The following MGMT variants were observed in gnomAD, a reference collection of about 807,000 sequenced individuals.
The protein encoded by MGMT is O-6-methylguanine-DNA methyltransferase.
A neutral mutation model predicts 15.9 loss-of-function variants in MGMT; 14 were observed. The observed-to-expected ratio is 0.88, with a 90% CI of 0.58 to 1.37. The LOEUF (loss-of-function observed/expected upper bound fraction) is 1.37, where lower values mean the gene tolerates loss of function less well. MGMT is among the 40% of genes most tolerant of loss of function. MGMT has a pLI of 0.00. For synonymous variants in MGMT, 130 were observed against 118.2 expected (o/e 1.10, Z -0.65); for missense variants, 282 against 268.1 (o/e 1.05, Z -0.36).
chr10:129,734,425 T>C (rs1848537090), intron 3 of MGMT, among the ~76,000 whole-genome samples: 1 of 150,578 alleles, frequency 6.6e-6, no homozygotes, highest in Admixed American at 6.7e-5. Context: ...CCTGAGACTT[T>C]GCTGAAGTTG....
chr10:129,732,772 T>C (rs532767879), intron 3 of MGMT, among the ~76,000 whole-genome samples: 5 of 147,984 alleles, frequency 3.4e-5, no homozygotes, highest in African/African-American at 1.2e-4. Context: ...GTGTTCTCAT[T>C]GTTCAGTTCC....
chr10:129,743,838 T>A (rs1473398950), intron 3 of MGMT, among the ~76,000 whole-genome samples: 1 of 152,246 alleles, frequency 6.6e-6, no homozygotes. Context: ...CCAGACTGGC[T>A]ACAGATGGTC....
chr10:129,723,704 A>G (rs1486151068), intron 3 of MGMT, among the ~76,000 whole-genome samples: 4 of 152,204 alleles, frequency 2.6e-5, no homozygotes, highest in Admixed American at 1.3e-4. Context: ...ACAACCCAGT[A>G]AATAACTGGA....
intron 2 of MGMT, among the ~76,000 whole-genome samples, chr10:129,560,143 C>T (rs1374048907): frequency 1.3e-5 from 2 of 152,182 alleles, no homozygotes; most frequent in African/African-American, 2.4e-5. Flanking sequence ...TGGGAGAGCA[C>T]GGGGCGTTCT....
chr10:129,699,033 T>C (rs1848065040), intron 2 of MGMT, among the ~76,000 whole-genome samples: 1 of 152,218 alleles, frequency 6.6e-6, no homozygotes, highest in South Asian at 2.1e-4. Context: ...TGTAATTGTT[T>C]TGGAATCTTT....
At chr10:129,546,767 T>A (rs1029423955) in intron 2 of MGMT, among the ~76,000 whole-genome samples, 1 of 152,190 alleles carries the variant, frequency 6.6e-6, no homozygotes, top group Non-Finnish European at 1.5e-5. Context: ...CTTCAGGCCC[T>A]GAACGTAAGA....
chr10:129,693,472 T>C (rs990654132), intron 2 of MGMT, among the ~76,000 whole-genome samples: 1 of 152,130 alleles, frequency 6.6e-6, no homozygotes, highest in South Asian at 2.1e-4. Flanking sequence ...GCCGGAAGCA[T>C]AACTCTAGCT....
chr10:129,468,400 C>T (rs1190463833), intron 1 of MGMT, among the ~76,000 whole-genome samples: 5 of 152,080 alleles, frequency 3.3e-5, no homozygotes, highest in African/African-American at 4.8e-5. Flanking sequence ...TGCCCAGACC[C>T]GGAGTCTGCC....
At chr10:129,750,096 G>A (rs1848736575) in intron 3 of MGMT, among the ~76,000 whole-genome samples, 1 of 151,814 alleles carries the variant, frequency 6.6e-6, no homozygotes. Flanking sequence ...AGCATCTTTT[G>A]TAGTAAAGAA....
intron 3 of MGMT, among the ~76,000 whole-genome samples, chr10:129,733,673 T>C (rs1360903051): frequency 6.6e-6 from 1 of 152,178 alleles, no homozygotes; most frequent in African/African-American, 2.4e-5. Context: ...GGTTTTCTTC[T>C]AGGTTTTTTA....
intron 2 of MGMT, among the ~76,000 whole-genome samples, chr10:129,559,786 A>G (rs557166657): frequency 1.3e-5 from 2 of 152,324 alleles, no homozygotes; most frequent in Admixed American, 6.5e-5. Flanking sequence ...AAAACCTACA[A>G]ACTTTTAAAG....
At chr10:129,488,010 C>CATAG (rs1564832150) in intron 1 of MGMT, among the ~76,000 whole-genome samples, 3 of 119,710 alleles carry the variant, frequency 2.5e-5, no homozygotes, top group Non-Finnish European at 3.6e-5. Context: ...GGTATACACA[C>CATAG]ACACACACAC....
chr10:129,483,474 G>GT (rs1032724323), intron 1 of MGMT, among the ~76,000 whole-genome samples: 1 of 151,828 alleles, frequency 6.6e-6, no homozygotes, highest in Non-Finnish European at 1.5e-5. Context: ...TCATGCATTT[G>GT]TTTTTGTTTT....
At chr10:129,496,816 ATC>A (rs1275283666) in intron 1 of MGMT, among the ~76,000 whole-genome samples, 1 of 152,066 alleles carries the variant, frequency 6.6e-6, no homozygotes, top group East Asian at 1.9e-4. Flanking sequence ...TTTAAAAGGG[ATC>A]TTGGTATATA....
chr10:129,646,741 TATATATA>T (rs1441085508), intron 2 of MGMT, among the ~76,000 whole-genome samples: 2,727 of 106,964 alleles, frequency 0.025, 257 homozygotes, highest in South Asian at 0.053. Context: ...TATATATATA[TATATATA>T]TATATATTTT....
At chr10:129,669,531 T>G (rs2133111409) in intron 2 of MGMT, among the ~76,000 whole-genome samples, 1 of 152,350 alleles carries the variant, frequency 6.6e-6, no homozygotes, top group Admixed American at 6.5e-5. Flanking sequence ...TTTATAAAAT[T>G]TTATTAAATT....
At chr10:129,660,614 T>C (rs1206435902) in intron 2 of MGMT, among the ~76,000 whole-genome samples, 1 of 152,176 alleles carries the variant, frequency 6.6e-6, no homozygotes, top group African/African-American at 2.4e-5. Context: ...CCTCCACCAT[T>C]ATCTGAATTG....
At chr10:129,569,631 G>A (rs1846394801) in intron 2 of MGMT, among the ~76,000 whole-genome samples, 1 of 152,162 alleles carries the variant, frequency 6.6e-6, no homozygotes, top group Non-Finnish European at 1.5e-5. Flanking sequence ...GACCATGACT[G>A]TGGGCCAGTT....
rs145775461 is a variant in MGMT at position 129,511,628 on chromosome 10, A to G, written c.-12-24613A>G. 4.6e-3 allele frequency among the ~76,000 whole-genome samples: 696 copies of G among 152,328 alleles called. 4 individuals carry two copies. Among genetic ancestry groups the G allele is most frequent in the Middle Eastern group, 6.8e-3 (2 of 294 alleles). On this transcript the variant is annotated intron_variant, in intron 1 of 4. Transcript: ENST00000651593. ...GTTGTGTGTTTTGTTTAACACAGCC[A>G]TATTCACCTGGCCATCAGTTTTTTA...
Sources: allele counts gnomAD v4.1 joint callset (sites outside exome capture counted in the v4.1 genomes callset), GRCh38; gene constraint gnomAD v4.1.1; transcripts MANE v1.5; gene names NCBI Gene and HGNC (gene_info 2026-07-23, HGNC 2026-07-21).